Variants in RAD51B observed in about 807,000 individuals in gnomAD.
RAD51B encodes RAD51 paralog B, also known as DNA repair protein RAD51 homolog 2.
Under a neutral mutation model 42.2 loss-of-function variants are expected in RAD51B, and 38 were observed. That is an observed-to-expected ratio of 0.90 (90% CI 0.70 to 1.18). The LOEUF (loss-of-function observed/expected upper bound fraction) is 1.18. Ranked by LOEUF, RAD51B falls within the 50% of genes most tolerant of loss-of-function variation. RAD51B has a pLI of 0.00. For synonymous variants in RAD51B, 154 were observed against 145.2 expected (o/e 1.06, Z -0.43); for missense variants, 373 against 400.7 (o/e 0.93, Z 0.59).
chr14:68,536,152 T>A (rs1236158125), intron 10 of RAD51B, among the ~76,000 whole-genome samples: 1 of 152,210 alleles, frequency 6.6e-6, no homozygotes, highest in African/African-American at 2.4e-5. Flanking sequence ...ATCTCCATTC[T>A]TTTTGTCCCT....
chr14:68,464,762 G>A (rs894258237), intron 9 of RAD51B, among the ~76,000 whole-genome samples: 2 of 152,112 alleles, frequency 1.3e-5, no homozygotes, highest in African/African-American at 2.4e-5. Flanking sequence ...CTATCACTCT[G>A]GAAGTTCTTT....
At chr14:68,122,696 A>C (rs572793508) in intron 7 of RAD51B, among the ~76,000 whole-genome samples, 129 of 152,288 alleles carry the variant, frequency 8.5e-4, no homozygotes, top group African/African-American at 3.0e-3. Context: ...ATTTTCCTAC[A>C]TTTGTGTTTT....
intron 7 of RAD51B, among the ~76,000 whole-genome samples, chr14:67,899,345 G>A (rs1004866686): frequency 3.9e-5 from 6 of 152,082 alleles, no homozygotes; most frequent in South Asian, 2.1e-4. Context: ...CACCACACCC[G>A]GCCTAGATTA....
intron 7 of RAD51B, among the ~76,000 whole-genome samples, chr14:68,112,862 A>G (rs1362538924): frequency 6.6e-6 from 1 of 152,158 alleles, no homozygotes; most frequent in African/African-American, 2.4e-5. Flanking sequence ...TGGACATGTC[A>G]TCATTGTTTC....
intron 7 of RAD51B, among the ~76,000 whole-genome samples, chr14:68,274,070 T>C (rs1261567089): frequency 6.6e-6 from 1 of 152,158 alleles, no homozygotes; most frequent in African/African-American, 2.4e-5. Context: ...TTCAAATCTC[T>C]TGTTGATTCT....
chr14:68,524,678 G>C (rs1251326924), intron 10 of RAD51B, among the ~76,000 whole-genome samples: 1 of 152,224 alleles, frequency 6.6e-6, no homozygotes, highest in African/African-American at 2.4e-5. Context: ...ATTCCAGGCT[G>C]CCTGTGTCAA....
At chr14:68,218,524 T>G (rs547429833) in intron 7 of RAD51B, among the ~76,000 whole-genome samples, 6 of 152,352 alleles carry the variant, frequency 3.9e-5, no homozygotes, top group African/African-American at 1.4e-4. Flanking sequence ...TGTGATAACT[T>G]AATTTTGCTA....
At chr14:68,469,857 G>A (rs1461883841) in intron 10 of RAD51B, among the ~76,000 whole-genome samples, 2 of 152,158 alleles carry the variant, frequency 1.3e-5, no homozygotes, top group Non-Finnish European at 2.9e-5. Context: ...TGTGATACAC[G>A]CACCCTGATC....
chr14:68,603,009 C>T (rs1313112340), intron 10 of RAD51B, among the ~76,000 whole-genome samples: 1 of 152,176 alleles, frequency 6.6e-6, no homozygotes, highest in East Asian at 1.9e-4. Context: ...GGATGGGCTA[C>T]ACTCTGCTCA....
At chr14:68,378,791 T>C (rs544429442) in intron 8 of RAD51B, among the ~76,000 whole-genome samples, 1 of 152,326 alleles carries the variant, frequency 6.6e-6, no homozygotes, top group African/African-American at 2.4e-5. Context: ...ATCTCAAGAT[T>C]GAATACTCAC....
At chr14:68,528,447 T>C (rs1887075913) in intron 10 of RAD51B, among the ~76,000 whole-genome samples, 1 of 152,232 alleles carries the variant, frequency 6.6e-6, no homozygotes, top group Non-Finnish European at 1.5e-5. Flanking sequence ...AAGTACACTT[T>C]AAAAGTTGGA....
At chr14:67,881,723 T>C (rs889776859) in intron 5 of RAD51B, among the ~76,000 whole-genome samples, 25 of 152,226 alleles carry the variant, frequency 1.6e-4, no homozygotes, top group Non-Finnish European at 1.3e-4. Context: ...TATTGTTCAG[T>C]ACCTGAAAAC....
chr14:67,940,988 T>G (rs558725007), intron 7 of RAD51B, among the ~76,000 whole-genome samples: 42 of 152,192 alleles, frequency 2.8e-4, no homozygotes, highest in Admixed American at 5.2e-4. Context: ...AGAATATTTG[T>G]GGGGTTTGTT....
At chr14:68,209,858 C>G (rs1379639849) in intron 7 of RAD51B, among the ~76,000 whole-genome samples, 1 of 152,144 alleles carries the variant, frequency 6.6e-6, no homozygotes, top group East Asian at 1.9e-4. Context: ...AAGCTTCTTG[C>G]CAGGCAGTAA....
At chr14:68,061,744 T>A (rs2076571434) in intron 7 of RAD51B, among the ~76,000 whole-genome samples, 1 of 152,216 alleles carries the variant, frequency 6.6e-6, no homozygotes. Flanking sequence ...TATGTTGATT[T>A]TGTATACTGC....
chr14:68,611,587 A>C, downstream of RAD51B: 1 of 377,658 alleles, frequency 2.6e-6, no homozygotes, highest in Non-Finnish European at 4.9e-6. Context: ...ATAGAAATAA[A>C]ACAAATCAAC....
intron 4 of RAD51B, among the ~76,000 whole-genome samples, chr14:67,851,338 T>TAA (rs534796624): frequency 1.7e-3 from 261 of 152,098 alleles, no homozygotes; most frequent in African/African-American, 6.1e-3. Flanking sequence ...GGTGAGGGGC[T>TAA]AAACTCTCAG....
At chr14:68,659,531 G>A (rs780702801) in intron 11 of RAD51B, among the ~76,000 whole-genome samples, 3 of 152,240 alleles carry the variant, frequency 2.0e-5, no homozygotes, top group Non-Finnish European at 4.4e-5. Flanking sequence ...TGAAATCTGG[G>A]CCTGCAGAGG....
intron 7 of RAD51B, among the ~76,000 whole-genome samples, chr14:68,258,670 C>A (rs956309589): frequency 2.2e-4 from 34 of 152,048 alleles, no homozygotes; most frequent in Non-Finnish European, 4.3e-4. Context: ...ATGAACACTG[C>A]ACCTTTTCCA....
Sources: gnomAD v4.1 joint callset for allele counts (sites outside exome capture counted in the v4.1 genomes callset) on GRCh38, gnomAD v4.1.1 for gene constraint, MANE v1.5 for transcripts, NCBI Gene and HGNC (gene_info 2026-07-23, HGNC 2026-07-21) for gene names.